Variants in DNAJC13 observed in about 807,000 individuals in gnomAD.
DNAJC13 encodes the protein dnaJ homolog subfamily C member 13.
DNAJC13 carries 75 observed loss-of-function variants against 290.5 expected under a neutral mutation model. The ratio of observed to expected loss-of-function variants is 0.26; its 90% CI spans 0.21 to 0.31. DNAJC13 has a LOEUF of 0.31. DNAJC13 is among the 10% of genes least tolerant of loss of function. The pLI is 1.00. For synonymous variants in DNAJC13, 862 were observed against 892.0 expected, an observed-to-expected ratio of 0.97 and a Z score of 0.60; for missense variants, 2,260 against 2,674.5, an observed-to-expected ratio of 0.85 and a Z score of 3.42.
In DNAJC13 at chr3:132,466,456, T is replaced by C. The variant is rs1444886417; in HGVS notation, c.2064+62T>C. 4 of 1,330,404 alleles carry C rather than the reference T, an allele frequency of 3.0e-6. No individual in the cohort carries two copies. The Admixed American group carries it at 8.1e-5, about 27-fold the overall frequency. 82.4% of individuals were successfully genotyped at this position (1,330,404 alleles called of 1,614,324 possible). The stretch of plus-strand genomic sequence containing the variant: ...GTAAGGGTACTGTTATATATATGTC[T>C]TTTTTTGAAACACGTTAAAAATTTT... On this transcript the variant is annotated intron_variant, in intron 19 of 55. Coordinates refer to ENST00000260818, the MANE Select transcript of DNAJC13 (RefSeq NM_015268.4).
At chr3:132,528,502 A>G (rs1052263895) in intron 54 of DNAJC13, among the ~76,000 whole-genome samples, 170 bp downstream of exon 54, 3 of 152,240 alleles carry the variant, frequency 2.0e-5, no homozygotes, top group Non-Finnish European at 1.5e-5. Context: ...TAACTGATGA[A>G]AAAGCATAAA....
chr3:132,445,438 G>T (rs1372301780), intron 2 of DNAJC13, among the ~76,000 whole-genome samples: 1 of 151,696 alleles, frequency 6.6e-6, no homozygotes, highest in Non-Finnish European at 1.5e-5. Flanking sequence ...TTTTCTTATT[G>T]TATTGTCTTT....
In DNAJC13 at chr3:132,502,282, C is replaced by G. The variant is rs372761640; in HGVS notation, c.4537-7C>G. The stretch of plus-strand genomic sequence containing the variant: ...AACAACTAATGCTCTCATTTTTATT[C>G]TCTCAGAGTATTCCCCGCGTAGCTG... On this transcript the variant is annotated splice_region_variant and splice_polypyrimidine_tract_variant and intron_variant, in intron 39 of 55. Coordinates refer to ENST00000260818, the MANE Select transcript of DNAJC13 (RefSeq NM_015268.4). 2.6e-6 allele frequency: 4 copies of G among 1,556,168 alleles called. No homozygotes were observed. The African/African-American group carries it at 5.7e-5, about 22-fold the overall frequency.
At chr3:132,499,671 A>G in intron 37 of DNAJC13, 63 bp from the exon 38 acceptor site, 1 of 1,353,750 alleles carries the variant, frequency 7.4e-7, no homozygotes, top group East Asian at 2.3e-5. Flanking sequence ...TATTACTGCT[A>G]GAAAAGGCCT....
chr3:132,448,859 C>G (rs76264948), intron 5 of DNAJC13, among the ~76,000 whole-genome samples: 2,570 of 152,190 alleles, frequency 0.017, 76 homozygotes, highest in African/African-American at 0.059. Flanking sequence ...ATTTCTTGTT[C>G]CTGATGAGCC....
chr3:132,447,048 T>G (rs1218884292), intron 3 of DNAJC13, among the ~76,000 whole-genome samples: 1 of 152,166 alleles, frequency 6.6e-6, no homozygotes, highest in Admixed American at 6.5e-5. Flanking sequence ...AATTTTTAAG[T>G]AGTCATAAAA....
At chr3:132,480,285 T>C in intron 25 of DNAJC13, 84 bp from the exon 26 acceptor site, 1 of 795,954 alleles carries the variant, frequency 1.3e-6, no homozygotes. Flanking sequence ...TAGGTGGTAG[T>C]ACCTATTGGG....
chr3:132,525,603 C>A lies in DNAJC13; in HGVS notation c.6061-7C>A, dbSNP rs185211266. 6.2e-7 allele frequency: 1 copy of A among 1,612,720 alleles called. No homozygotes were observed. The highest frequency in any genetic ancestry group is 1.3e-5 in the African/African-American group (1 of 74,832). On this transcript the variant is annotated splice_region_variant and splice_polypyrimidine_tract_variant and intron_variant, in intron 51 of 55. Coordinates refer to ENST00000260818, the MANE Select transcript of DNAJC13 (RefSeq NM_015268.4). ...ATAGTTGATTTATTTTTGTTTTACA[C>A]CTGCAGGGAGAAACTCTGGAAACCT...
At chr3:132,455,468 A>G (rs1460860708) in intron 9 of DNAJC13, among the ~76,000 whole-genome samples, 1 of 152,262 alleles carries the variant, frequency 6.6e-6, no homozygotes, top group Non-Finnish European at 1.5e-5. Flanking sequence ...TATATGGTCT[A>G]GCAGTTCCAC....
rs773528993 is a variant in DNAJC13, at chr3:132,456,236, G to C, written c.934G>C (p.Asp312His). ...TTTTTTACTTTTAATCTTACTTAGA[G>C]ATTCCTTATTAGCAAGTTTGCTGGA... ...QVRKYSSTER[D>H]SLLASLLDGV... The change falls in exon 10 of 56, where the codon GAT becomes CAT. Residue 312 changes from aspartate (D) to histidine (H), a missense_variant and splice_region_variant. Transcript: ENST00000260818. 6.2e-7 allele frequency: 1 copy of C among 1,609,968 alleles called. No homozygotes were observed. Among genetic ancestry groups the C allele is most frequent in the Non-Finnish European group, 8.5e-7 (1 of 1,178,794 alleles).
intron 6 of DNAJC13, 81 bp from the exon 7 acceptor site, chr3:132,453,217 T>A (rs1019943978): frequency 1.5e-6 from 2 of 1,312,508 alleles, no homozygotes; most frequent in African/African-American, 3.0e-5. Context: ...GCTACTTTAA[T>A]ACCTTTCCTA....
chr3:132,427,936 A>G (rs1433901931), intron 1 of DNAJC13, among the ~76,000 whole-genome samples: 1 of 152,232 alleles, frequency 6.6e-6, no homozygotes, highest in East Asian at 1.9e-4. Flanking sequence ...AGTTATAAAA[A>G]TTCTCCAGCT....
chr3:132,457,303 G>A lies in DNAJC13; in HGVS notation c.1384G>A (p.Ala462Thr), dbSNP rs1933640682. ...RERLGVKVVK[A>T]LKRSNNGIIH... ...GCGTCTAGGGGTGAAGGTAGTAAAA[G>A]CACTCAAAAGAAGCAACAACGGAAT... is the stretch of plus-strand genomic sequence containing the variant. The change falls in exon 13 of 56, where the codon GCA becomes ACA. Residue 462 changes from alanine (A) to threonine (T), a missense_variant. This residue lies in a region of DNAJC13 where 762 missense variants were observed against 964.1 expected (regional missense o/e 0.79). Coordinates refer to ENST00000260818, the MANE Select transcript of DNAJC13 (RefSeq NM_015268.4). 6.2e-7 allele frequency: 1 copy of A among 1,613,364 alleles called. No homozygotes were observed. The highest frequency in any genetic ancestry group is 8.5e-7 in the Non-Finnish European group (1 of 1,179,674).
chr3:132,449,016 C>G (rs1933340671), intron 5 of DNAJC13, among the ~76,000 whole-genome samples: 1 of 152,148 alleles, frequency 6.6e-6, no homozygotes, highest in East Asian at 1.9e-4. Flanking sequence ...TACCAGTTAA[C>G]TTCAGCCATT....
Position 132,486,062 on chromosome 3 carries a change from A to G in DNAJC13, c.3267+1390A>G, listed in dbSNP as rs74618367. On this transcript the variant is annotated intron_variant, in intron 29 of 55. Transcript: ENST00000260818. The stretch of plus-strand genomic sequence containing the variant: ...GTCATTGATGCTGAAAAAGACTTCT[A>G]AATACAGTAATGCCCTATCCTTTTT... Among the ~76,000 whole-genome samples, 456 of 147,984 alleles carry G rather than the reference A, an allele frequency of 3.1e-3. 4 individuals are homozygous for G. The highest frequency in any genetic ancestry group is 0.01 in the African/African-American group (418 of 39,916).
At chr3:132,438,422 T>C (rs1311520090) in intron 2 of DNAJC13, among the ~76,000 whole-genome samples, 1 of 152,222 alleles carries the variant, frequency 6.6e-6, no homozygotes, top group Non-Finnish European at 1.5e-5. Context: ...ATGGCCAACA[T>C]TAAAATTTTC....
rs568879193 is a variant in DNAJC13 at position 132,445,343 on chromosome 3, C to T, written c.69-1132C>T. ...ATTTTTCTAATATTGAAGTGTTTAC[C>T]TAATTGGTCACGGTGTATTACTATT... On this transcript the variant is annotated intron_variant, in intron 2 of 55. Coordinates refer to ENST00000260818, the MANE Select transcript of DNAJC13 (RefSeq NM_015268.4). Among the ~76,000 whole-genome samples the T allele has an allele frequency of 5.3e-5, 8 of 151,752 alleles. No homozygotes were observed. In the South Asian group the frequency reaches 1.7e-3, roughly 32 times the overall value.
rs1044515691 is a variant in DNAJC13, at chr3:132,458,593, G to C, written c.1449+1225G>C. On this transcript the variant is annotated intron_variant, in intron 13 of 55. Coordinates refer to ENST00000260818, the MANE Select transcript of DNAJC13 (RefSeq NM_015268.4). The stretch of plus-strand genomic sequence containing the variant: ...ATTCTGCTAGTGCCCCTGTCTGCAA[G>C]GGTTTTAGGTGCTCTATGTCAGGAG... Among the ~76,000 whole-genome samples the C allele has an allele frequency of 4.6e-5, 7 of 152,220 alleles. No homozygotes were observed. In the South Asian group the frequency reaches 1.4e-3, roughly 32 times the overall value.
chr3:132,451,749 A>C (rs1197133151), intron 6 of DNAJC13, among the ~76,000 whole-genome samples: 2 of 152,220 alleles, frequency 1.3e-5, no homozygotes, highest in South Asian at 2.1e-4. Flanking sequence ...AGCAGAGCCA[A>C]AGCAAGCGTT....
Sources: allele counts gnomAD v4.1 joint callset (sites outside exome capture counted in the v4.1 genomes callset), GRCh38; gene constraint gnomAD v4.1.1; regional missense constraint gnomAD v4.1.1; transcripts MANE v1.5; gene names NCBI Gene and HGNC (gene_info 2026-07-23, HGNC 2026-07-21).